PCDHGA3: variants seen among roughly 807,000 people sequenced by gnomAD.
The protein encoded by PCDHGA3 is protocadherin gamma subfamily A, 3.
A neutral mutation model predicts 58.5 loss-of-function variants in PCDHGA3; 40 were observed. The observed-to-expected ratio is 0.68, with a 90% CI of 0.53 to 0.89. The LOEUF (loss-of-function observed/expected upper bound fraction) is 0.89, where lower values mean the gene tolerates loss of function less well. Among genes scored for constraint, PCDHGA3 ranks in the 40% least tolerant of loss-of-function variants. The pLI is 0.00. For synonymous variants in PCDHGA3, 530 were observed against 525.7 expected (o/e 1.01, Z -0.11); for missense variants, 1,223 against 1,195.9 (o/e 1.02, Z -0.33).
Position 141,490,270 on chromosome 5 carries a change from A to G in PCDHGA3, c.2425-4537A>G. On this transcript the variant is annotated intron_variant, in intron 1 of 3. Coordinates refer to ENST00000253812, the MANE Select transcript of PCDHGA3 (RefSeq NM_018916.4). The surrounding 1 kb of genome is among the most constrained non-coding windows in gnomAD (Gnocchi z 5.4). The stretch of plus-strand genomic sequence containing the variant: ...GATTCAAGTGGATGTGGGGGATGTC[A>G]ATGACAATGCCCCAGAGGTGCTATT... The G allele has an allele frequency of 6.2e-7, 1 of 1,614,226 alleles. No individual in the cohort carries two copies. Among genetic ancestry groups the G allele is most frequent in the African/African-American group, 1.3e-5 (1 of 75,060 alleles).
chr5:141,458,496 A>T (rs905073741), intron 1 of PCDHGA3, among the ~76,000 whole-genome samples: 1 of 151,694 alleles, frequency 6.6e-6, no homozygotes, highest in Non-Finnish European at 1.5e-5. Flanking sequence ...CTGCCTGTAC[A>T]TACTGTTTGA....
intron 1 of PCDHGA3, chr5:141,364,212 A>G (rs925277605): frequency 8.0e-7 from 1 of 1,252,414 alleles, no homozygotes; most frequent in African/African-American, 1.5e-5. Context: ...ACAAGCTCCT[A>G]CGAAAAGCCA....
intron 1 of PCDHGA3, chr5:141,351,046 G>T (rs922791130): frequency 6.2e-7 from 1 of 1,614,052 alleles, no homozygotes; most frequent in South Asian, 1.1e-5. Flanking sequence ...TGCGGGTGAT[G>T]GCCACAGACC....
At chr5:141,366,160 G>T in intron 1 of PCDHGA3, 1 of 1,614,118 alleles carries the variant, frequency 6.2e-7, no homozygotes, top group Non-Finnish European at 8.5e-7. Flanking sequence ...GCCTGCTTAA[G>T]GCCAGCGAGC....
chr5:141,422,222 C>A (rs1453283842), intron 1 of PCDHGA3: 2 of 1,564,972 alleles, frequency 1.3e-6, no homozygotes, highest in South Asian at 1.2e-5. Flanking sequence ...TTTACCACCA[C>A]GACGATGTTG....
At chr5:141,395,215 A>G in intron 1 of PCDHGA3, 1 of 1,612,350 alleles carries the variant, frequency 6.2e-7, no homozygotes, top group Middle Eastern at 1.7e-4. Context: ...CATGAATATA[A>G]GAATGAAGCT....
In PCDHGA3 at chr5:141,417,676, C is replaced by G. The variant is rs902104404; in HGVS notation, c.2424+71219C>G. The G allele has an allele frequency of 1.7e-5, 17 of 993,450 alleles. No individual in the cohort carries two copies. The African/African-American group carries it at 2.8e-4, about 16-fold the overall frequency. The allele number at this position is 993,450 out of a possible 1,614,324, so 61.5% of individuals were successfully genotyped here. ...AGCCTGGGATTCCCTGCGCAGCCAACAACAGAAAAGAAAACCAGCTCCCAC... is the reference window on the plus strand; with the variant it reads ...AGCCTGGGATTCCCTGCGCAGCCAAGAACAGAAAAGAAAACCAGCTCCCAC... On this transcript the variant is annotated intron_variant, in intron 1 of 3. Transcript: ENST00000253812.
intron 1 of PCDHGA3, among the ~76,000 whole-genome samples, chr5:141,438,591 C>CATACAT (rs1228520343): frequency 1.3e-5 from 1 of 75,562 alleles, no homozygotes; most frequent in Non-Finnish European, 2.7e-5. Flanking sequence ...TACATACATA[C>CATACAT]ATATATATAT....
At position 141,502,349 on chromosome 5, in the gene PCDHGA3, T is replaced by C. The variant is rs369766657; in HGVS notation, c.2484-3044T>C. 1.3e-3 allele frequency among the ~76,000 whole-genome samples: 200 copies of C among 152,292 alleles called. 3 individuals carry two copies. In the South Asian group the frequency reaches 0.034, roughly 26 times the overall value. On this transcript the variant is annotated intron_variant, in intron 2 of 3. Transcript: ENST00000253812. ...GCTCCCAGTCTTTTTATTTTTTTAA[T>C]GACATGGATATTTTTAAAGAGTCCA...
intron 1 of PCDHGA3, among the ~76,000 whole-genome samples, chr5:141,348,096 C>T (rs1758063595): frequency 6.6e-6 from 1 of 152,210 alleles, no homozygotes; most frequent in Non-Finnish European, 1.5e-5. Context: ...AAATTGTTGG[C>T]TTATTCTGCA....
At position 141,431,424 on chromosome 5, in the gene PCDHGA3, G is replaced by A; in HGVS notation, c.2425-63383G>A. The A allele has an allele frequency of 1.9e-6, 3 of 1,613,676 alleles. No individual in the cohort carries two copies. The highest frequency in any genetic ancestry group is 2.5e-6 in the Non-Finnish European group (3 of 1,180,028). On this transcript the variant is annotated intron_variant, in intron 1 of 3. Coordinates refer to ENST00000253812, the MANE Select transcript of PCDHGA3 (RefSeq NM_018916.4). The surrounding 1 kb of genome is among the most constrained non-coding windows in gnomAD (Gnocchi z 4.8). ...GCCTCCGACGGGGGCGACCCGGTGC[G>A]CACAGGCACCGCGCGCATCCGCGTG... is the stretch of plus-strand genomic sequence containing the variant.
At chr5:141,383,700 C>T (rs753632881) in intron 1 of PCDHGA3, 1 of 1,613,936 alleles carries the variant, frequency 6.2e-7, no homozygotes, top group East Asian at 2.2e-5. Flanking sequence ...TACATGCTAT[C>T]GACCTGGACG....
At chr5:141,501,116 C>T (rs1325487254) in intron 2 of PCDHGA3, among the ~76,000 whole-genome samples, 1 of 152,154 alleles carries the variant, frequency 6.6e-6, no homozygotes, top group Non-Finnish European at 1.5e-5. Flanking sequence ...ATCCGCCTGC[C>T]TCAGCCTCCC....
Position 141,491,944 on chromosome 5 carries a change from C to T in PCDHGA3, c.2425-2863C>T, listed in dbSNP as rs1245968796. ...CGAGGGGAGGTGGGACCGACCCCCACCCCTACACTCAAAAAAGGCCGGGGC... is the reference window on the plus strand; with the variant it reads ...CGAGGGGAGGTGGGACCGACCCCCATCCCTACACTCAAAAAAGGCCGGGGC... On this transcript the variant is annotated intron_variant, in intron 1 of 3. Transcript: ENST00000253812. This position sits in a 1 kb window ranked among gnomAD's most constrained non-coding sequence, Gnocchi z 6.9. The T allele has an allele frequency of 1.8e-6, 2 of 1,120,156 alleles. No individual in the cohort carries two copies. Among genetic ancestry groups the T allele is most frequent in the Non-Finnish European group, 2.4e-6 (2 of 822,072 alleles). The allele number at this position is 1,120,156 out of a possible 1,614,324, so 69.4% of individuals were successfully genotyped here. A position where few individuals can be genotyped will look rare whatever the true frequency, so the allele number is the denominator to read the frequency against.
At chr5:141,400,799 G>A in intron 1 of PCDHGA3, 1 of 553,494 alleles carries the variant, frequency 1.8e-6, no homozygotes, top group Non-Finnish European at 3.2e-6. Context: ...CTTTCTCAAA[G>A]CTAATGAATT....
At chr5:141,483,425 G>A (rs1460083757) in intron 1 of PCDHGA3, among the ~76,000 whole-genome samples, 1 of 152,116 alleles carries the variant, frequency 6.6e-6, no homozygotes, top group Non-Finnish European at 1.5e-5. Flanking sequence ...ACAGATGGAG[G>A]GAGCTGACTA....
chr5:141,488,633 A>G (rs2099677537), intron 1 of PCDHGA3, among the ~76,000 whole-genome samples: 1 of 152,174 alleles, frequency 6.6e-6, no homozygotes, highest in South Asian at 2.1e-4. Context: ...TCACCTTAGC[A>G]GCATTCAGCA....
intron 1 of PCDHGA3, chr5:141,387,838 A>G: frequency 6.3e-7 from 1 of 1,598,726 alleles, no homozygotes; most frequent in East Asian, 2.2e-5. Context: ...GGTTATTTGT[A>G]ACCCGGCGTC....
chr5:141,421,243 C>A (rs201273667), intron 1 of PCDHGA3: 1 of 1,601,658 alleles, frequency 6.2e-7, no homozygotes. Flanking sequence ...GAATCGGCTA[C>A]AGCGCGGGGA....
Sources: gnomAD v4.1 joint callset for allele counts (sites outside exome capture counted in the v4.1 genomes callset) on GRCh38, gnomAD v4.1.1 for gene constraint, Gnocchi (gnomAD v3.1) non-coding constraint, MANE v1.5 for transcripts, NCBI Gene and HGNC (gene_info 2026-07-23, HGNC 2026-07-21) for gene names.